CSMD3: variants seen among roughly 807,000 people sequenced by gnomAD.
CSMD3 encodes the protein CUB and Sushi multiple domains 3, also known as CUB and sushi domain-containing protein 3.
A neutral mutation model predicts 435.2 loss-of-function variants in CSMD3; 177 were observed. The ratio of observed to expected loss-of-function variants is 0.41; its 90% CI spans 0.36 to 0.46. The LOEUF is 0.46. Ranked by LOEUF, CSMD3 falls within the 20% of genes least tolerant of loss-of-function variation. CSMD3 has a pLI of 0.34. For synonymous variants in CSMD3, 1,656 were observed against 1,520.5 expected (o/e 1.09, Z -2.07); for missense variants, 4,265 against 4,504.6 (o/e 0.95, Z 1.52).
intron 13 of CSMD3, among the ~76,000 whole-genome samples, chr8:112,728,667 C>T (rs1483381305): frequency 6.6e-6 from 1 of 151,960 alleles, no homozygotes; most frequent in African/African-American, 2.4e-5. Flanking sequence ...CTTTCTGTAA[C>T]TTCAAGAAGG....
chr8:112,261,805 C>T (rs1586576528), intron 61 of CSMD3, among the ~76,000 whole-genome samples: 1 of 152,070 alleles, frequency 6.6e-6, no homozygotes, highest in African/African-American at 2.4e-5. Flanking sequence ...TACTCCATAT[C>T]CTCACTAATA....
intron 23 of CSMD3, among the ~76,000 whole-genome samples, chr8:112,578,948 A>G (rs2131321918): frequency 6.6e-6 from 1 of 152,170 alleles, no homozygotes; most frequent in Middle Eastern, 3.4e-3. Context: ...TAAAATATAC[A>G]ATATTCATGA....
At chr8:113,408,010 G>A (rs1018585824) in intron 1 of CSMD3, among the ~76,000 whole-genome samples, 1 of 152,038 alleles carries the variant, frequency 6.6e-6, no homozygotes, top group Non-Finnish European at 1.5e-5. Context: ...ATCAACCAGA[G>A]CTACTTTTTT....
At chr8:112,659,391 T>C (rs1028292271) in intron 17 of CSMD3, among the ~76,000 whole-genome samples, 1 of 152,208 alleles carries the variant, frequency 6.6e-6, no homozygotes, top group Non-Finnish European at 1.5e-5. Context: ...ACAAATATTA[T>C]GGTAGCACTA....
At chr8:112,458,215 C>CCACCCACACACA (rs1554579458) in intron 32 of CSMD3, among the ~76,000 whole-genome samples, 1 of 150,690 alleles carries the variant, frequency 6.6e-6, no homozygotes, top group African/African-American at 2.4e-5. Context: ...ACACTCACAC[C>CCACCCACACACA]CACACACACA....
At chr8:112,287,005 A>G in intron 58 of CSMD3, 59 bp downstream of exon 58, 2 of 1,389,772 alleles carry the variant, frequency 1.4e-6, no homozygotes, top group Non-Finnish European at 2.1e-6. Context: ...ACTCATCTGG[A>G]TTTAGATACA....
intron 10 of CSMD3, among the ~76,000 whole-genome samples, chr8:112,870,761 T>C (rs565056317): frequency 2.0e-5 from 3 of 151,858 alleles, no homozygotes; most frequent in African/African-American, 7.3e-5. Flanking sequence ...CTATGCTGGG[T>C]GGAGGTGGAA....
intron 13 of CSMD3, among the ~76,000 whole-genome samples, chr8:112,751,678 CAA>C (rs1294663967): frequency 1.3e-5 from 2 of 148,722 alleles, no homozygotes; most frequent in African/African-American, 4.9e-5. Context: ...ACCTGTTTCA[CAA>C]AGTCACAAGT....
At chr8:112,389,443 G>A (rs1446561864) in intron 36 of CSMD3, among the ~76,000 whole-genome samples, 1 of 152,096 alleles carries the variant, frequency 6.6e-6, no homozygotes, top group South Asian at 2.1e-4. Context: ...CTTCAAATTT[G>A]ACAAATTGTC....
At chr8:113,429,284 TAG>T (rs1455523229) in intron 1 of CSMD3, among the ~76,000 whole-genome samples, 12 of 151,818 alleles carry the variant, frequency 7.9e-5, no homozygotes, top group Middle Eastern at 6.9e-3. Context: ...AAAATGTAAC[TAG>T]AGAGAATACA....
intron 1 of CSMD3, among the ~76,000 whole-genome samples, chr8:113,424,065 A>G (rs1563808109): frequency 6.6e-6 from 1 of 151,808 alleles, no homozygotes; most frequent in African/African-American, 2.4e-5. Context: ...GACTTACAGA[A>G]TGTGAAAGGG....
intron 5 of CSMD3, among the ~76,000 whole-genome samples, chr8:113,064,716 G>A (rs572240371): frequency 2.6e-4 from 39 of 152,260 alleles, no homozygotes; most frequent in African/African-American, 9.1e-4. Flanking sequence ...GTGATAGCAG[G>A]TTAGTAGCTT....
intron 3 of CSMD3, among the ~76,000 whole-genome samples, chr8:113,184,832 T>A (rs1364020104): frequency 6.6e-6 from 1 of 152,142 alleles, no homozygotes; most frequent in East Asian, 1.9e-4. Context: ...ATGTCTTCTC[T>A]AGCTCTGAAT....
intron 16 of CSMD3, among the ~76,000 whole-genome samples, chr8:112,666,835 C>A (rs1199129837): frequency 1.3e-5 from 2 of 152,064 alleles, no homozygotes; most frequent in Non-Finnish European, 2.9e-5. Context: ...TTTGTGCTTC[C>A]ATTTTCCAGA....
intron 6 of CSMD3, among the ~76,000 whole-genome samples, chr8:112,994,061 G>C (rs2085554286): frequency 6.6e-6 from 1 of 151,694 alleles, no homozygotes. Context: ...ATTACACCAA[G>C]GAAGAAGCTC....
chr8:112,831,179 C>T (rs1047485683), intron 11 of CSMD3, among the ~76,000 whole-genome samples: 5 of 152,094 alleles, frequency 3.3e-5, no homozygotes, highest in African/African-American at 1.2e-4. Flanking sequence ...TTAAATACAG[C>T]ATGTGTATAA....
chr8:112,485,115 G>C (rs1327275952), intron 31 of CSMD3, among the ~76,000 whole-genome samples: 2 of 152,092 alleles, frequency 1.3e-5, no homozygotes, highest in Non-Finnish European at 2.9e-5. Flanking sequence ...AAGACTGTCA[G>C]AAAAATAGCA....
intron 31 of CSMD3, among the ~76,000 whole-genome samples, chr8:112,474,901 A>G (rs1818890996): frequency 6.6e-6 from 1 of 152,110 alleles, no homozygotes; most frequent in Non-Finnish European, 1.5e-5. Flanking sequence ...TATCTAGAAA[A>G]AACAACAAAT....
At chr8:112,993,674 A>T (rs1275432602) in intron 6 of CSMD3, among the ~76,000 whole-genome samples, 2 of 151,860 alleles carry the variant, frequency 1.3e-5, no homozygotes, top group Non-Finnish European at 2.9e-5. Flanking sequence ...AATATACAAA[A>T]GTAAATTGAG....
Sources: allele counts gnomAD v4.1 joint callset (sites outside exome capture counted in the v4.1 genomes callset), GRCh38; gene constraint gnomAD v4.1.1; transcripts MANE v1.5; gene names NCBI Gene and HGNC (gene_info 2026-07-23, HGNC 2026-07-21).